Variants in HEXB observed in about 807,000 individuals in gnomAD.
HEXB encodes hexosaminidase subunit beta, also known as beta-hexosaminidase subunit beta.
In HEXB, 51 loss-of-function variants were observed where a neutral mutation model predicts 71.2. The ratio of observed to expected loss-of-function variants is 0.72; its 90% CI spans 0.57 to 0.90. HEXB has a LOEUF of 0.90. HEXB is among the 40% of genes least tolerant of loss of function. The pLI, the probability that HEXB is intolerant of heterozygous loss-of-function variation, is 0.00. For missense variants in HEXB, 617 were observed against 677.0 expected, an observed-to-expected ratio of 0.91 and a Z score of 0.98; for synonymous variants, 266 against 249.3, an observed-to-expected ratio of 1.07 and a Z score of -0.63.
rs1423580181 is a variant in HEXB, at chr5:74,650,901, G to A, written c.-377+10343G>A. 4.3e-5 allele frequency among the ~76,000 whole-genome samples: 6 copies of A among 140,206 alleles called. No homozygotes were observed. In the Admixed American group the frequency reaches 4.6e-4, roughly 11 times the overall value. The allele number at this position is 140,206 out of a possible 152,430, so 92.0% of individuals were successfully genotyped here. ...GGATCACGCCACTGCACTCCAGCCT[G>A]GGCAACAGCGTGAGACTCTGTCTCA... On this transcript the variant is annotated intron_variant, in intron 1 of 13. Transcript: ENST00000511181.
At chr5:74,688,635 A>G (rs6453073) in intron 1 of HEXB, among the ~76,000 whole-genome samples, 35,398 of 152,124 alleles carry the variant, frequency 0.23, 4,689 homozygotes, top group African/African-American at 0.35. Context: ...GAGCCACTGC[A>G]GCTGGCCAAC....
chr5:74,697,920 GA>G (rs1302353255), intron 5 of HEXB, among the ~76,000 whole-genome samples: 1 of 151,870 alleles, frequency 6.6e-6, no homozygotes, highest in African/African-American at 2.4e-5. Context: ...GAAGAAGGTT[GA>G]CAATAACTGT....
chr5:74,707,871 ATAT>A (rs1749440277), intron 6 of HEXB, among the ~76,000 whole-genome samples: 1 of 152,220 alleles, frequency 6.6e-6, no homozygotes, highest in African/African-American at 2.4e-5. Flanking sequence ...ACTCTGCAGG[ATAT>A]TATCCAGGAG....
exon 1 of HEXB, chr5:74,640,052 A>C (rs1370953929): frequency 6.6e-6 from 1 of 152,148 alleles, no homozygotes; most frequent in Non-Finnish European, 1.5e-5. Context: ...TCGCTTCCCC[A>C]GCGGCTCGCC....
chr5:74,679,168 G>C (rs1472109904), intron 1 of HEXB, among the ~76,000 whole-genome samples: 1 of 152,196 alleles, frequency 6.6e-6, no homozygotes, highest in Non-Finnish European at 1.5e-5. Flanking sequence ...CAGCCATAAC[G>C]AACACCTTAA....
At chr5:74,695,031 T>C (rs13153243) in intron 3 of HEXB, among the ~76,000 whole-genome samples, 1 of 152,102 alleles carries the variant, frequency 6.6e-6, no homozygotes, top group Non-Finnish European at 1.5e-5. Flanking sequence ...ATAATCATTG[T>C]TATGCTATAT....
At chr5:74,661,316 A>G (rs10041731) in intron 1 of HEXB, among the ~76,000 whole-genome samples, 82,147 of 151,996 alleles carry the variant, frequency 0.54, 22,398 homozygotes, top group East Asian at 0.63. Context: ...AACAAAAATG[A>G]AAAGGAAAAT....
rs141777748 is a variant in HEXB, at chr5:74,650,843, G to A, written c.-377+10285G>A. Among the ~76,000 whole-genome samples the A allele has an allele frequency of 5.2e-3, 776 of 150,454 alleles. 4 individuals are homozygous for A. Among genetic ancestry groups the A allele is most frequent in the African/African-American group, 0.018 (724 of 40,736 alleles). ...CGGGAGGCTGAGGGAGGAGAATGGC[G>A]TGAACCTGGGAGGCAGAGCTTGCAG... is the stretch of plus-strand genomic sequence containing the variant. On this transcript the variant is annotated intron_variant, in intron 1 of 13. Transcript: ENST00000511181.
intron 1 of HEXB, among the ~76,000 whole-genome samples, chr5:74,674,604 A>T (rs1172391397): frequency 5.5e-5 from 7 of 128,178 alleles, no homozygotes; most frequent in African/African-American, 2.0e-4. Flanking sequence ...ACTCTGTCTC[A>T]GAAAAAAAAA....
chr5:74,651,688 A>G (rs1211830096), intron 1 of HEXB, among the ~76,000 whole-genome samples: 1 of 152,200 alleles, frequency 6.6e-6, no homozygotes. Flanking sequence ...CAAATAACCG[A>G]GGTCTCTTTT....
chr5:74,696,693 GT>G lies in HEXB; in HGVS notation c.515del (p.Leu172Ter). On this transcript the variant is annotated frameshift_variant and splice_region_variant, in exon 4 of 14. Transcript: ENST00000261416. LOFTEE classifies it high-confidence loss of function. ...ATGCAATAAATTTTACTTTCCTCAG[GT>G]TTAGAGACCTTTAGCCAGTTAGTTT... is the stretch of plus-strand genomic sequence containing the variant. ...KANRVWGALR[G>X]LETFSQLVYQ... 1 of 1,400,294 alleles carries G rather than the reference GT, an allele frequency of 7.1e-7. No homozygotes were observed. The highest frequency in any genetic ancestry group is 1.0e-6 in the Non-Finnish European group (1 of 986,918). The allele number at this position is 1,400,294 out of a possible 1,614,324, so 86.7% of individuals were successfully genotyped here.
chr5:74,710,064 C>T (rs1042117048), intron 6 of HEXB, among the ~76,000 whole-genome samples: 2 of 152,132 alleles, frequency 1.3e-5, no homozygotes, highest in African/African-American at 4.8e-5. Flanking sequence ...CCAAATCCAG[C>T]AGCACATCAA....
chr5:74,650,995 G>A (rs189527854), intron 1 of HEXB, among the ~76,000 whole-genome samples: 1 of 151,470 alleles, frequency 6.6e-6, no homozygotes, highest in Admixed American at 6.6e-5. Context: ...AGAAGAAATG[G>A]CTTCATCTCT....
At chr5:74,720,887 C>A in intron 13 of HEXB, 140 bp downstream of exon 13, 1 of 812,954 alleles carries the variant, frequency 1.2e-6, no homozygotes, top group African/African-American at 1.7e-5. Context: ...AGTAATAATA[C>A]CTGTAAAGAT....
chr5:74,720,578 T>C, intron 12 of HEXB, 60 bp downstream of exon 12: 1 of 1,595,296 alleles, frequency 6.3e-7, no homozygotes, highest in Non-Finnish European at 8.6e-7. Flanking sequence ...CTTCTCTGTC[T>C]AAACACAAAA....
Position 74,652,647 on chromosome 5 carries a change from TC to T in HEXB, c.-377+12092del, listed in dbSNP as rs1160456715. ...CATTTGAGTCATGTAAGGGATTCCC[TC>T]CCTTACCCCCACTACCCCCAGGATT... On this transcript the variant is annotated intron_variant, in intron 1 of 13. Transcript: ENST00000511181. The surrounding 1 kb of genome is among the most constrained non-coding windows in gnomAD (Gnocchi z 5.4). Among the ~76,000 whole-genome samples, 1 of 152,128 alleles carries T rather than the reference TC, an allele frequency of 6.6e-6. No individual in the cohort carries two copies. The highest frequency in any genetic ancestry group is 2.4e-5 in the African/African-American group (1 of 41,434).
chr5:74,708,411 T>C (rs1340529236), intron 6 of HEXB, among the ~76,000 whole-genome samples: 1 of 147,334 alleles, frequency 6.8e-6, no homozygotes, highest in Non-Finnish European at 1.5e-5. Context: ...GCTAACATCA[T>C]AATGACAGGA....
At chr5:74,656,081 CTTG>C (rs1035981007) in intron 1 of HEXB, among the ~76,000 whole-genome samples, 84 of 152,280 alleles carry the variant, frequency 5.5e-4, no homozygotes, top group African/African-American at 1.9e-3. Flanking sequence ...GCTGGGCCAC[CTTG>C]GGGTTGGTCT....
intron 1 of HEXB, among the ~76,000 whole-genome samples, chr5:74,644,410 C>T (rs1215413740): frequency 6.6e-6 from 1 of 152,080 alleles, no homozygotes; most frequent in Non-Finnish European, 1.5e-5. Flanking sequence ...CCCTCCATTC[C>T]CAAAGGAGGA....
Sources: gnomAD v4.1 joint callset for allele counts (sites outside exome capture counted in the v4.1 genomes callset) on GRCh38, gnomAD v4.1.1 for gene constraint, Gnocchi (gnomAD v3.1) non-coding constraint, MANE v1.5 for transcripts, NCBI Gene and HGNC (gene_info 2026-07-23, HGNC 2026-07-21) for gene names.